Variants in TMEM132E observed in about 807,000 individuals in gnomAD.
TMEM132E encodes the protein transmembrane protein 132E.
In TMEM132E, 49 loss-of-function variants were observed where a neutral mutation model predicts 78.5. The observed-to-expected ratio is 0.62, with a 90% CI of 0.50 to 0.79. The LOEUF is 0.79. Ranked by LOEUF, TMEM132E falls within the 30% of genes least tolerant of loss-of-function variation. The probability of loss-of-function intolerance (pLI) is 0.00; values close to 1 mark genes in which losing one functional copy is unlikely to be tolerated. For synonymous variants in TMEM132E, 715 were observed against 670.6 expected (o/e 1.07, Z -1.02); for missense variants, 1,403 against 1,470.9 (o/e 0.95, Z 0.75).
chr17:34,611,466 G>T lies in TMEM132E; in HGVS notation c.68-14661G>T, dbSNP rs145456720. On this transcript the variant is annotated intron_variant, in intron 1 of 8. Coordinates refer to ENST00000631683, the MANE Select transcript of TMEM132E (RefSeq NM_001304438.2). The stretch of plus-strand genomic sequence containing the variant: ...AGTGGTTTGAACTACAGTCTTGAAG[G>T]CCCCTTTCCAGCACTGAGTTAGAAG... Among the ~76,000 whole-genome samples, 556 of 152,274 alleles carry T rather than the reference G, an allele frequency of 3.7e-3. 2 individuals are homozygous for T. The highest frequency in any genetic ancestry group is 0.011 in the African/African-American group (459 of 41,550).
intron 5 of TMEM132E, among the ~76,000 whole-genome samples, chr17:34,631,173 GTCTC>G (rs564670057): frequency 4.9e-4 from 75 of 152,196 alleles, no homozygotes; most frequent in Non-Finnish European, 8.5e-4. Context: ...CCCTCCTGCT[GTCTC>G]TCTCTCTATG....
chr17:34,599,587 T>C (rs1906167581), intron 1 of TMEM132E, among the ~76,000 whole-genome samples: 1 of 152,232 alleles, frequency 6.6e-6, no homozygotes, highest in African/African-American at 2.4e-5. Context: ...GCAACACTTT[T>C]GTGAAAACTA....
At chr17:34,631,498 G>T (rs1212255535) in intron 5 of TMEM132E, among the ~76,000 whole-genome samples, 2 of 152,228 alleles carry the variant, frequency 1.3e-5, no homozygotes, top group Admixed American at 1.3e-4. Flanking sequence ...AATGAAATTG[G>T]TTACAAATCT....
rs1442364304 is a variant in TMEM132E, at chr17:34,637,466, C to A, written c.2459C>A (p.Pro820His). The A allele has an allele frequency of 6.2e-7, 1 of 1,612,764 alleles. No homozygotes were observed. Among genetic ancestry groups the A allele is most frequent in the Non-Finnish European group, 8.5e-7 (1 of 1,179,772 alleles). Residue 820 changes from proline (P) to histidine (H), a missense_variant, in exon 9 of 9, where the codon CCC becomes CAC. By Grantham distance (77) the Pro-to-His change is moderately conservative. Coordinates refer to ENST00000631683, the MANE Select transcript of TMEM132E (RefSeq NM_001304438.2). ...RVHFGRDEED[P>H]TYDYPGPSQP... is the part of the protein sequence containing the mutation. The stretch of plus-strand genomic sequence containing the variant: ...CACTTTGGGAGGGACGAGGAGGACC[C>A]CACTTATGACTACCCGGGCCCCAGC...
At chr17:34,582,431 G>C (rs959299279) in intron 1 of TMEM132E, among the ~76,000 whole-genome samples, 4 of 151,974 alleles carry the variant, frequency 2.6e-5, no homozygotes, top group Admixed American at 2.6e-4. Context: ...CGGAATCGTA[G>C]GGTCCTGGGG....
At position 34,580,703 on chromosome 17, in the gene TMEM132E, G is replaced by T. The variant is rs187081038; in HGVS notation, c.-374G>T. 1.4e-5 allele frequency: 3 copies of T among 212,512 alleles called. No individual in the cohort carries two copies. The highest frequency in any genetic ancestry group is 2.8e-5 in the Non-Finnish European group (3 of 107,498). 13.2% of individuals were successfully genotyped at this position (212,512 alleles called of 1,614,324 possible). On this transcript the variant is annotated 5_prime_UTR_variant, in exon 1 of 9. An upstream open reading frame in the 5' UTR gains an earlier in-frame stop. Transcript: ENST00000631683. Reference sequence around the variant, plus strand: ...GGCACCCTCGAGTGAGTTCGGATTCGAGCTGGGCCGTGAGGCCGGGAGATT... The same window carrying T: ...GGCACCCTCGAGTGAGTTCGGATTCTAGCTGGGCCGTGAGGCCGGGAGATT...
At chr17:34,593,682 C>G (rs1405584748) in intron 1 of TMEM132E, among the ~76,000 whole-genome samples, 1 of 152,250 alleles carries the variant, frequency 6.6e-6, no homozygotes, top group Non-Finnish European at 1.5e-5. Flanking sequence ...GCAGCAGCTT[C>G]TAGGGCCGGG....
In TMEM132E at chr17:34,596,495, C is replaced by G. The variant is rs1364405751; in HGVS notation, c.67+15352C>G. Among the ~76,000 whole-genome samples the G allele has an allele frequency of 3.9e-5, 6 of 152,174 alleles. No individual in the cohort carries two copies. In the East Asian group the frequency reaches 1.2e-3, roughly 29 times the overall value. Reference sequence around the variant, plus strand: ...TCATAGAGGATGTGTCACACCCATTCAGCTTGGTCCCAGTGCCATCAAATT... The same window carrying G: ...TCATAGAGGATGTGTCACACCCATTGAGCTTGGTCCCAGTGCCATCAAATT... On this transcript the variant is annotated intron_variant, in intron 1 of 8. Coordinates refer to ENST00000631683, the MANE Select transcript of TMEM132E (RefSeq NM_001304438.2).
chr17:34,623,167 A>AG (rs1004921947), intron 1 of TMEM132E, among the ~76,000 whole-genome samples: 206 of 152,200 alleles, frequency 1.4e-3, no homozygotes, highest in African/African-American at 4.7e-3. Context: ...GTCCTCCCCC[A>AG]GGGGGGGTGA....
rs944452055 is a variant in TMEM132E at position 34,613,129 on chromosome 17, T to G, written c.68-12998T>G. Among the ~76,000 whole-genome samples, 10 of 146,386 alleles carry G rather than the reference T, an allele frequency of 6.8e-5. No homozygotes were observed. In the South Asian group the frequency reaches 2.3e-3, roughly 33 times the overall value. On this transcript the variant is annotated intron_variant, in intron 1 of 8. Transcript: ENST00000631683. ...CAGCTCCAAAACCTTCTCCACCCAC[T>G]GCAGGCCTATGGTGGCACTCACACT...
intron 1 of TMEM132E, among the ~76,000 whole-genome samples, chr17:34,617,220 C>T (rs1906812672): frequency 6.6e-6 from 1 of 152,218 alleles, no homozygotes; most frequent in Non-Finnish European, 1.5e-5. Context: ...AGCTGAGGCC[C>T]AGAGAAAGGA....
rs886096184 is a variant in TMEM132E at position 34,579,955 on chromosome 17, G to C, written c.-1122G>C. ...AGACAGCGGGCGAACGGGCGTCCGGGGACAGGGTGGGGGCGGCGGGGAGGA... is the reference window on the plus strand; with the variant it reads ...AGACAGCGGGCGAACGGGCGTCCGGCGACAGGGTGGGGGCGGCGGGGAGGA... On this transcript the variant is annotated 5_prime_UTR_variant, in exon 1 of 9. Coordinates refer to ENST00000631683, the MANE Select transcript of TMEM132E (RefSeq NM_001304438.2). 6.6e-6 allele frequency: 1 copy of C among 152,422 alleles called. No individual in the cohort carries two copies. Among genetic ancestry groups the C allele is most frequent in the East Asian group, 1.9e-4 (1 of 5,142 alleles). 9.4% of individuals were successfully genotyped at this position (152,422 alleles called of 1,614,324 possible).
At chr17:34,629,873 G>T in intron 4 of TMEM132E, 135 bp from the exon 5 acceptor site, 1 of 1,028,278 alleles carries the variant, frequency 9.7e-7, no homozygotes, top group Non-Finnish European at 1.4e-6. Context: ...CCCTGCACAC[G>T]GGTGCAAGTG....
Position 34,637,841 on chromosome 17 carries a change from G to C in TMEM132E, c.2834G>C (p.Arg945Pro). 1 of 1,610,358 alleles carries C rather than the reference G, an allele frequency of 6.2e-7. No individual in the cohort carries two copies. The highest frequency in any genetic ancestry group is 2.2e-5 in the East Asian group (1 of 44,820). The change falls in exon 9 of 9, where the codon CGG (arginine) becomes CCG (proline). Residue 945 changes from arginine (R) to proline (P), a missense_variant. Arg to Pro is a moderately radical substitution (Grantham distance 103, BLOSUM62 -2). Around this residue, in one of 3 missense-constraint regions of TMEM132E, gnomAD observed 888 missense variants for 952.8 expected, o/e 0.93. Coordinates refer to ENST00000631683, the MANE Select transcript of TMEM132E (RefSeq NM_001304438.2). ...WVFLGNGQPL[R>P]VQGELSPPAG... ...TTCCTGGGCAACGGGCAGCCGCTGC[G>C]GGTGCAAGGAGAGCTGTCGCCGCCA... is the stretch of plus-strand genomic sequence containing the variant.
At chr17:34,629,940 G>A (rs2142083017) in intron 4 of TMEM132E, 68 bp from the exon 5 acceptor site, 1 of 1,504,178 alleles carries the variant, frequency 6.6e-7, no homozygotes, top group Middle Eastern at 2.2e-4. Context: ...AGGAGCTGGG[G>A]CCTTGGCTAG....
At chr17:34,607,465 A>G (rs1895782083) in intron 1 of TMEM132E, among the ~76,000 whole-genome samples, 1 of 152,046 alleles carries the variant, frequency 6.6e-6, no homozygotes, top group Non-Finnish European at 1.5e-5. Flanking sequence ...CAGACACCAA[A>G]TGTGCAGGAT....
intron 1 of TMEM132E, among the ~76,000 whole-genome samples, chr17:34,586,215 G>T (rs1410352352): frequency 6.6e-6 from 1 of 152,070 alleles, no homozygotes; most frequent in Non-Finnish European, 1.5e-5. Flanking sequence ...TTCCTCCCCA[G>T]GGTCTTCCTT....
At chr17:34,587,033 T>C (rs1905704085) in intron 1 of TMEM132E, among the ~76,000 whole-genome samples, 1 of 152,174 alleles carries the variant, frequency 6.6e-6, no homozygotes, top group Non-Finnish European at 1.5e-5. Context: ...GTGGGCAGGA[T>C]GTGTGCTTGC....
chr17:34,623,409 C>T (rs530301736), intron 1 of TMEM132E, among the ~76,000 whole-genome samples: 41 of 151,502 alleles, frequency 2.7e-4, no homozygotes, highest in Admixed American at 1.2e-3. Context: ...GCTCCCCCCC[C>T]CCCCCCCGTC....
Sources: gnomAD v4.1 joint callset for allele counts (sites outside exome capture counted in the v4.1 genomes callset) on GRCh38, gnomAD v4.1.1 for gene constraint, gnomAD v4.1.1 regional missense constraint, MANE v1.5 for transcripts, NCBI Gene and HGNC (gene_info 2026-07-23, HGNC 2026-07-21) for gene names.